NAALADL2: variants seen among roughly 807,000 people sequenced by gnomAD.
NAALADL2 encodes inactive N-acetylated-alpha-linked acidic dipeptidase-like protein 2.
NAALADL2 carries 76 observed loss-of-function variants against 87.2 expected under a neutral mutation model. The observed-to-expected ratio is 0.87, with a 90% CI of 0.72 to 1.05. The LOEUF is 1.05. Ranked by LOEUF, NAALADL2 falls within the 50% of genes least tolerant of loss-of-function variation. The pLI is 0.00. For missense variants in NAALADL2, 1,089 were observed against 945.8 expected, an observed-to-expected ratio of 1.15 and a Z score of -1.99; for synonymous variants, 354 against 331.0, an observed-to-expected ratio of 1.07 and a Z score of -0.75.
intron 3 of NAALADL2, among the ~76,000 whole-genome samples, chr3:174,773,455 A>G (rs570073432): frequency 1.3e-5 from 2 of 152,238 alleles, no homozygotes; most frequent in African/African-American, 4.8e-5. Context: ...GGCTTAGATG[A>G]TAGACTCTCC....
intron 4 of NAALADL2, among the ~76,000 whole-genome samples, chr3:175,262,579 T>A (rs1309609630): frequency 1.1e-5 from 1 of 87,706 alleles, no homozygotes; most frequent in African/African-American, 2.9e-5. Flanking sequence ...TGTGTGAGTG[T>A]GTGTGTGTGT....
At chr3:175,342,561 C>T (rs1167499179) in intron 5 of NAALADL2, among the ~76,000 whole-genome samples, 1 of 150,532 alleles carries the variant, frequency 6.6e-6, no homozygotes, top group African/African-American at 2.5e-5. Context: ...TACAGAGCTA[C>T]ATTTATACAA....
At chr3:175,800,070 C>A (rs1368133702) in intron 13 of NAALADL2, among the ~76,000 whole-genome samples, 1 of 152,136 alleles carries the variant, frequency 6.6e-6, no homozygotes, top group East Asian at 1.9e-4. Flanking sequence ...TATTTCTCAT[C>A]TGTAACAGAG....
At chr3:174,621,716 C>T (rs559265516) in intron 2 of NAALADL2, among the ~76,000 whole-genome samples, 1 of 152,174 alleles carries the variant, frequency 6.6e-6, no homozygotes, top group East Asian at 1.9e-4. Flanking sequence ...TAGAAAAGAA[C>T]GTTGCAGGAG....
intron 11 of NAALADL2, among the ~76,000 whole-genome samples, chr3:175,735,211 A>G (rs1291804370): frequency 3.3e-5 from 5 of 152,210 alleles, no homozygotes; most frequent in African/African-American, 1.2e-4. Context: ...CCAGTTCCCA[A>G]CAAGTTCCTT....
At chr3:175,298,480 C>A (rs920245966) in intron 4 of NAALADL2, among the ~76,000 whole-genome samples, 1 of 152,044 alleles carries the variant, frequency 6.6e-6, no homozygotes, top group African/African-American at 2.4e-5. Flanking sequence ...ATGAGAATCT[C>A]ATAAAAGAGA....
chr3:174,851,518 A>T (rs546182529), intron 3 of NAALADL2, among the ~76,000 whole-genome samples: 7 of 152,202 alleles, frequency 4.6e-5, no homozygotes, highest in Middle Eastern at 6.8e-3. Flanking sequence ...AAAACCTGGA[A>T]GAAATGGATA....
chr3:175,531,260 C>G (rs1006686841), intron 9 of NAALADL2, among the ~76,000 whole-genome samples: 13 of 151,856 alleles, frequency 8.6e-5, no homozygotes, highest in African/African-American at 3.1e-4. Flanking sequence ...CGAAATAGGC[C>G]CACTAGGCAT....
intron 3 of NAALADL2, among the ~76,000 whole-genome samples, chr3:174,826,080 A>T (rs868524485): frequency 2.0e-5 from 3 of 146,600 alleles, no homozygotes; most frequent in African/African-American, 8.3e-5. Context: ...CAACAATCAA[A>T]CAAAATCCAA....
intron 5 of NAALADL2, among the ~76,000 whole-genome samples, chr3:175,354,895 C>A (rs1341269380): frequency 6.7e-6 from 1 of 150,194 alleles, no homozygotes; most frequent in African/African-American, 2.4e-5. Flanking sequence ...CACACACACA[C>A]ACACACACAT....
intron 1 of NAALADL2, among the ~76,000 whole-genome samples, chr3:174,949,068 T>G (rs556530299): frequency 6.6e-6 from 1 of 152,198 alleles, no homozygotes; most frequent in African/African-American, 2.4e-5. Flanking sequence ...ACAAATTCCT[T>G]TTATGAGTTC....
intron 13 of NAALADL2, among the ~76,000 whole-genome samples, chr3:175,798,088 C>CA (rs906463083): frequency 6.6e-6 from 1 of 151,848 alleles, no homozygotes; most frequent in Non-Finnish European, 1.5e-5. Flanking sequence ...AAGTGGTTTT[C>CA]AGCACACAAA....
In NAALADL2 at chr3:174,879,556, T is replaced by C. The variant is rs947271762; in HGVS notation, c.43+20106T>C. Among the ~76,000 whole-genome samples, 10 of 152,264 alleles carry C rather than the reference T, an allele frequency of 6.6e-5. No individual in the cohort carries two copies. In the East Asian group the frequency reaches 7.7e-4, roughly 12 times the overall value. On this transcript the variant is annotated intron_variant, in intron 1 of 13. Coordinates refer to ENST00000454872, the MANE Select transcript of NAALADL2 (RefSeq NM_207015.3). ...AAATTAATTTTCTTTTCATATGATG[T>C]TTTGATTTCAATGTATTAGATTTTA...
chr3:174,495,244 A>G (rs1438641239), intron 1 of NAALADL2, among the ~76,000 whole-genome samples: 1 of 144,010 alleles, frequency 6.9e-6, no homozygotes, highest in East Asian at 2.2e-4. Context: ...TTGCTTAAGG[A>G]AAGCTTATAT....
intron 2 of NAALADL2, among the ~76,000 whole-genome samples, chr3:174,681,652 C>T (rs944937091): frequency 6.6e-6 from 1 of 152,192 alleles, no homozygotes; most frequent in East Asian, 1.9e-4. Flanking sequence ...CGTTTGCTGG[C>T]TACTCGCCAT....
Position 175,338,422 on chromosome 3 carries a change from C to G in NAALADL2, c.1090+14097C>G, listed in dbSNP as rs140973468. On this transcript the variant is annotated intron_variant, in intron 5 of 13. Coordinates refer to ENST00000454872, the MANE Select transcript of NAALADL2 (RefSeq NM_207015.3). ...GGCGGTATAAAAAGGCCAAGATTTG[C>G]ATGAGAATAAGGAGATAGGAGTTGG... 6.4e-3 allele frequency among the ~76,000 whole-genome samples: 974 copies of G among 151,790 alleles called. 11 individuals are homozygous for G. The highest frequency in any genetic ancestry group is 0.021 in the African/African-American group (876 of 41,398).
At chr3:175,510,750 G>C (rs570652135) in intron 9 of NAALADL2, among the ~76,000 whole-genome samples, 1 of 152,104 alleles carries the variant, frequency 6.6e-6, no homozygotes, top group African/African-American at 2.4e-5. Flanking sequence ...ACTTTATCTT[G>C]GTATTTGTAC....
chr3:175,599,851 T>G (rs1015095801), intron 10 of NAALADL2, among the ~76,000 whole-genome samples: 5 of 152,176 alleles, frequency 3.3e-5, no homozygotes, highest in Non-Finnish European at 7.4e-5. Context: ...GATATTTGCC[T>G]TCATTTAATA....
At chr3:174,772,906 A>G (rs930683358) in intron 3 of NAALADL2, among the ~76,000 whole-genome samples, 1 of 152,220 alleles carries the variant, frequency 6.6e-6, no homozygotes, top group Non-Finnish European at 1.5e-5. Context: ...GAGTAATTCT[A>G]AAAGGTGTTA....
Sources: gnomAD v4.1 joint callset for allele counts (sites outside exome capture counted in the v4.1 genomes callset) on GRCh38, gnomAD v4.1.1 for gene constraint, MANE v1.5 for transcripts, NCBI Gene and HGNC (gene_info 2026-07-23, HGNC 2026-07-21) for gene names.